Variants in RNF144A observed in about 807,000 individuals in gnomAD.
RNF144A encodes ring finger protein 144A, also known as E3 ubiquitin-protein ligase RNF144A.
RNF144A carries 11 observed loss-of-function variants against 38.7 expected under a neutral mutation model. That is an observed-to-expected ratio of 0.28 (90% CI 0.18 to 0.47). The LOEUF is 0.47. Ranked by LOEUF, RNF144A falls within the 20% of genes least tolerant of loss-of-function variation. The pLI is 0.99. For synonymous variants in RNF144A, 149 were observed against 143.9 expected, an observed-to-expected ratio of 1.04 and a Z score of -0.25; for missense variants, 316 against 377.2, an observed-to-expected ratio of 0.84 and a Z score of 1.34.
chr2:6,923,255 A>C (rs1664655510), intron 1 of RNF144A, among the ~76,000 whole-genome samples: 1 of 152,186 alleles, frequency 6.6e-6, no homozygotes, highest in African/African-American at 2.4e-5. Flanking sequence ...CTCTCTCCTC[A>C]AGTTCAAACA....
chr2:7,002,995 A>T lies in RNF144A; in HGVS notation c.135+5934A>T, dbSNP rs150382780. Among the ~76,000 whole-genome samples the T allele has an allele frequency of 5.5e-3, 829 of 151,956 alleles. 5 individuals carry two copies. The highest frequency in any genetic ancestry group is 0.019 in the African/African-American group (789 of 41,366). ...TCTTAGTTTTTAACAAAAAAAGTTT[A>T]AAAAAAATAAAAAAATTTACAAATA... On this transcript the variant is annotated intron_variant, in intron 3 of 8. Transcript: ENST00000320892.
At chr2:7,004,820 C>T (rs1382381456) in intron 3 of RNF144A, among the ~76,000 whole-genome samples, 5 of 152,134 alleles carry the variant, frequency 3.3e-5, no homozygotes, top group Admixed American at 3.3e-4. Context: ...GGTTGTGTTC[C>T]CTGATCTATA....
At chr2:7,073,586 A>G in the RNF144A span, among the ~76,000 whole-genome samples, 1 of 152,220 alleles carries the variant, frequency 6.6e-6, no homozygotes. Context: ...ATCTTAGCCT[A>G]TGCAAGTGGA....
intron 2 of RNF144A, among the ~76,000 whole-genome samples, chr2:6,979,977 T>G (rs1242805812): frequency 6.6e-6 from 1 of 152,148 alleles, no homozygotes; most frequent in African/African-American, 2.4e-5. Context: ...GCAGGCACCT[T>G]CTTCACAAGG....
intron 2 of RNF144A, among the ~76,000 whole-genome samples, chr2:6,982,221 G>A (rs1203010448): frequency 6.6e-6 from 1 of 152,210 alleles, no homozygotes; most frequent in African/African-American, 2.4e-5. Context: ...AAAATATAAA[G>A]TAGAATACAG....
chr2:6,949,544 C>A (rs111713116), intron 2 of RNF144A, among the ~76,000 whole-genome samples: 1 of 152,144 alleles, frequency 6.6e-6, no homozygotes, highest in East Asian at 1.9e-4. Flanking sequence ...ATGTAATCCA[C>A]AGACTTTGAG....
chr2:6,922,342 G>A (rs1270140188), intron 1 of RNF144A, among the ~76,000 whole-genome samples: 1 of 152,216 alleles, frequency 6.6e-6, no homozygotes, highest in African/African-American at 2.4e-5. Context: ...AAAGGGAAGG[G>A]TTCCAAGTCC....
At chr2:6,942,575 A>G (rs1325548081) in intron 2 of RNF144A, among the ~76,000 whole-genome samples, 1 of 152,220 alleles carries the variant, frequency 6.6e-6, no homozygotes, top group African/African-American at 2.4e-5. Context: ...GGTTGTGAAT[A>G]TGAGGAAAAG....
At chr2:6,996,381 G>A (rs1359341908) in intron 2 of RNF144A, among the ~76,000 whole-genome samples, 1 of 152,184 alleles carries the variant, frequency 6.6e-6, no homozygotes, top group Admixed American at 6.5e-5. Context: ...ATCAGTGGGA[G>A]GGAGGGAAGG....
intron 2 of RNF144A, among the ~76,000 whole-genome samples, chr2:6,987,987 A>G (rs1669063900): frequency 6.6e-6 from 1 of 152,230 alleles, no homozygotes; most frequent in African/African-American, 2.4e-5. Flanking sequence ...AGCATACCAA[A>G]AACCACCAGA....
At chr2:7,030,301 G>GTGTGTGTGTGTGTA in intron 8 of RNF144A, 86 bp downstream of exon 8, 1 of 642,416 alleles carries the variant, frequency 1.6e-6, no homozygotes, top group Non-Finnish European at 2.4e-6. Context: ...GTGTGTGTGT[G>GTGTGTGTGTGTGTA]TGTGTATGTA....
rs1237772465 is a variant in RNF144A at position 6,941,552 on chromosome 2, G to A, written c.-12+405G>A. Among the ~76,000 whole-genome samples the A allele has an allele frequency of 2.6e-5, 4 of 152,214 alleles. No individual in the cohort carries two copies. The highest frequency in any genetic ancestry group is 5.9e-5 in the Non-Finnish European group (4 of 68,038). On this transcript the variant is annotated intron_variant, in intron 2 of 8. Transcript: ENST00000320892. This position sits in a 1 kb window ranked among gnomAD's most constrained non-coding sequence, Gnocchi z 6.5. ...TCTCACGAAGATTCTGTGTTTGTGA[G>A]GAATACAAGTGGAGGATGGGGGTAG...
In RNF144A at chr2:7,041,278, G is replaced by A. The variant is rs576412319; in HGVS notation, c.*1518G>A. ...GTGTGTGTTTGACTTCTGCATTTGA[G>A]TATCAGTCTCAGGTCCTAGTTTACT... is the stretch of plus-strand genomic sequence containing the variant. On this transcript the variant is annotated 3_prime_UTR_variant, in exon 9 of 9. Transcript: ENST00000320892. 9.1e-6 allele frequency: 9 copies of A among 985,746 alleles called. No homozygotes were observed. In the South Asian group the frequency reaches 1.9e-4, roughly 21 times the overall value. The allele number at this position is 985,746 out of a possible 1,614,324, so 61.1% of individuals were successfully genotyped here. A position where few individuals can be genotyped will look rare whatever the true frequency, so the allele number is the denominator to read the frequency against.
At chr2:7,020,423 A>G (rs1455499250) in intron 5 of RNF144A, 50 bp from the exon 6 acceptor site, 3 of 1,545,916 alleles carry the variant, frequency 1.9e-6, no homozygotes, top group Non-Finnish European at 2.7e-6. Context: ...TGAAGCCCAC[A>G]TGACCCTCTG....
Position 7,031,890 on chromosome 2 carries a change from C to T in RNF144A, c.747+1675C>T, listed in dbSNP as rs374300601. On this transcript the variant is annotated intron_variant, in intron 8 of 8. Coordinates refer to ENST00000320892, the MANE Select transcript of RNF144A (RefSeq NM_014746.6). ...GGCGGCACAGAAGCTGCCAACGGTA[C>T]GTCAGTGAGTTACCTTGGCCGTGTT... Among the ~76,000 whole-genome samples the T allele has an allele frequency of 2.6e-5, 4 of 152,340 alleles. No individual in the cohort carries two copies. In the East Asian group the frequency reaches 5.8e-4, roughly 22 times the overall value.
chr2:7,018,491 A>G (rs561535719), intron 5 of RNF144A, among the ~76,000 whole-genome samples: 3 of 152,230 alleles, frequency 2.0e-5, no homozygotes, highest in Admixed American at 2.0e-4. Context: ...TTTCCTCCTC[A>G]CTGCTCAGCG....
intron 2 of RNF144A, among the ~76,000 whole-genome samples, chr2:6,950,961 A>G (rs1249727382): frequency 6.6e-6 from 1 of 151,936 alleles, no homozygotes; most frequent in Non-Finnish European, 1.5e-5. Flanking sequence ...TGTGTCATCC[A>G]TTTTCACTTT....
intron 2 of RNF144A, among the ~76,000 whole-genome samples, chr2:6,968,201 T>A (rs1195387524): frequency 6.6e-6 from 1 of 152,240 alleles, no homozygotes; most frequent in African/African-American, 2.4e-5. Flanking sequence ...TTCTCTTCTC[T>A]GGGCCACCCT....
chr2:7,058,918 C>T (rs1200796310), intron 6 of RNF144A, among the ~76,000 whole-genome samples: 1 of 152,102 alleles, frequency 6.6e-6, no homozygotes, highest in African/African-American at 2.4e-5. Flanking sequence ...CCTGCATCAC[C>T]TGTATGTATG....
Sources: allele counts gnomAD v4.1 joint callset (sites outside exome capture counted in the v4.1 genomes callset), GRCh38; gene constraint gnomAD v4.1.1; non-coding constraint Gnocchi (gnomAD v3.1); transcripts MANE v1.5; gene names NCBI Gene and HGNC (gene_info 2026-07-23, HGNC 2026-07-21).